The following HUWE1 variants were observed in gnomAD, a reference collection of about 807,000 sequenced individuals.
HUWE1 encodes the protein HECT, UBA and WWE domain containing E3 ubiquitin protein ligase 1.
Under a neutral mutation model 299.4 loss-of-function variants are expected in HUWE1, and 18 were observed. The observed-to-expected ratio is 0.06, with a 90% CI of 0.04 to 0.09. The LOEUF is 0.09. Among genes scored for constraint, HUWE1 ranks in the 10% least tolerant of loss-of-function variants. HUWE1 has a pLI of 1.00. For missense variants in HUWE1, 1,832 were observed against 3,462.3 expected, an observed-to-expected ratio of 0.53 and a Z score of 11.82; for synonymous variants, 1,317 against 1,286.1, an observed-to-expected ratio of 1.02 and a Z score of -0.51.
chrX:53,661,011 A>G (rs1194237857), intron 3 of HUWE1, among the ~76,000 whole-genome samples: 2 of 110,082 alleles, frequency 1.8e-5, no homozygotes, highest in African/African-American at 3.3e-5. Flanking sequence ...TACCAAGTCC[A>G]TGCTTTAATA....
In HUWE1 at chrX:53,645,483, C is replaced by CA; in HGVS notation, c.352-21dup. The CA allele has an allele frequency of 1.7e-6, 2 of 1,205,847 alleles. No individual in the cohort carries two copies. Among genetic ancestry groups the CA allele is most frequent in the Non-Finnish European group, 1.1e-6 (1 of 892,029 alleles). On this transcript the variant is annotated intron_variant, in intron 6 of 83. Transcript: ENST00000262854. ...CAAATGCTAAAGGGACAAAAAAGGG[C>CA]AAAGCTCAAGGTATCAGGCACAACT...
chrX:53,634,212 C>G (rs782556187), intron 8 of HUWE1, 24 bp downstream of exon 8: 1 of 1,143,454 alleles, frequency 8.7e-7, no homozygotes, highest in East Asian at 3.0e-5. Context: ...TCAAAAGACA[C>G]CCATATCCCA....
Position 53,614,593 on chromosome X carries a change from T to G in HUWE1, c.2202A>C (p.Glu734Asp). The change falls in exon 23 of 84, where the codon GAA becomes GAC. Residue 734 changes from glutamate (E) to aspartate (D), a missense_variant. Physicochemically the swap from Glu to Asp is conservative, Grantham distance 45 (BLOSUM62 2). Around this residue, in one of 15 missense-constraint regions of HUWE1, gnomAD observed 658 missense variants for 1,282.6 expected, o/e 0.51. Transcript: ENST00000262854. ...EASSEDEEEE[E>D]VQAMQSFNST... ...AATTAAAGCTCTGCATGGCCTGTACTTCCTCTTCCTCCTCATCCTCACTAG... is the reference window on the plus strand; with the variant it reads ...AATTAAAGCTCTGCATGGCCTGTACGTCCTCTTCCTCCTCATCCTCACTAG... 1 of 1,210,673 alleles carries G rather than the reference T, an allele frequency of 8.3e-7. No homozygotes were observed. Among genetic ancestry groups the G allele is most frequent in the South Asian group, 1.8e-5 (1 of 56,958 alleles).
At chrX:53,623,029 G>A (rs2066247643) in intron 19 of HUWE1, among the ~76,000 whole-genome samples, 1 of 111,720 alleles carries the variant, frequency 9.0e-6, no homozygotes, top group African/African-American at 3.3e-5. Flanking sequence ...GATGAATTAA[G>A]AAAACCATAG....
At chrX:53,587,725 T>C (rs781815048) in intron 37 of HUWE1, among the ~76,000 whole-genome samples, 9 of 111,770 alleles carry the variant, frequency 8.1e-5, no homozygotes, top group African/African-American at 2.9e-4. Flanking sequence ...TTGACTCTTA[T>C]ATTGGATTTA....
At chrX:53,605,006 C>T (rs2065075255) in intron 25 of HUWE1, among the ~76,000 whole-genome samples, 172 bp from the exon 26 acceptor site, 1 of 112,175 alleles carries the variant, frequency 8.9e-6, no homozygotes, top group Admixed American at 9.4e-5. Flanking sequence ...TCAGGTACAA[C>T]ATACCTTAAC....
At chrX:53,643,538 G>A (rs1003970137) in intron 7 of HUWE1, among the ~76,000 whole-genome samples, 21 of 111,235 alleles carry the variant, frequency 1.9e-4, no homozygotes, top group Non-Finnish European at 3.8e-4. Flanking sequence ...TTTTAGTAGA[G>A]ATGGGGTTTC....
intron 75 of HUWE1, 142 bp from the exon 76 acceptor site, chrX:53,539,222 T>C: frequency 1.5e-6 from 1 of 671,354 alleles, no homozygotes. Flanking sequence ...GGCTCACACC[T>C]ATGATCCCAG....
chrX:53,539,548 A>C, intron 75 of HUWE1, 109 bp downstream of exon 75: 2 of 736,296 alleles, frequency 2.7e-6, no homozygotes, highest in Non-Finnish European at 4.2e-6. Context: ...TTCTCATTAC[A>C]GAGACACTGA....
In HUWE1 at chrX:53,547,978, C is replaced by T. The variant is rs1556924649; in HGVS notation, c.10331G>A (p.Arg3444His). 14 of 1,211,027 alleles carry T rather than the reference C, an allele frequency of 1.2e-5. No homozygotes were observed. Among genetic ancestry groups the T allele is most frequent in the Non-Finnish European group, 1.5e-5 (13 of 895,113 alleles). ...LMNMLSHPVI[R>H]RSSLLTEKLL... ...TTTCTCAGTTAAGAGAGAGCTCCGG[C>T]GGATGACTGGGTGTGACAACATGTT... The change falls in exon 68 of 84, where the codon CGC becomes CAC. Residue 3444 changes from arginine to histidine, a missense_variant. Physicochemically the swap from Arg to His is conservative, Grantham distance 29 (BLOSUM62 0). Transcript: ENST00000262854.
At chrX:53,537,471 A>G in intron 78 of HUWE1, 85 bp downstream of exon 78, 6 of 1,035,615 alleles carry the variant, frequency 5.8e-6, no homozygotes, top group Non-Finnish European at 8.0e-6. Flanking sequence ...CACCTCCCTA[A>G]ATTTGAGGCT....
intron 3 of HUWE1, among the ~76,000 whole-genome samples, chrX:53,656,555 AAAAAAAG>A (rs782528575): frequency 0.35 from 33,187 of 94,768 alleles, 5,929 homozygotes; most frequent in Non-Finnish European, 0.49. Context: ...AAAAAAAAAA[AAAAAAAG>A]AAAAATCAAA....
At chrX:53,589,469 T>G (rs1281144249) in intron 36 of HUWE1, 78 bp downstream of exon 36, 2 of 989,655 alleles carry the variant, frequency 2.0e-6, no homozygotes, top group Non-Finnish European at 2.9e-6. Flanking sequence ...AATATGCTGA[T>G]TTTTCAGAAA....
intron 83 of HUWE1, 117 bp from the exon 84 acceptor site, chrX:53,533,528 G>T: frequency 1.8e-6 from 1 of 542,073 alleles, no homozygotes; most frequent in Non-Finnish European, 3.3e-6. Context: ...CCTGCTTCTT[G>T]ATGACTCCCA....
At chrX:53,624,817 TCTC>T (rs1399910390) in intron 18 of HUWE1, 142 bp from the exon 19 acceptor site, 26 of 497,353 alleles carry the variant, frequency 5.2e-5, no homozygotes, top group African/African-American at 5.0e-4. Context: ...CCCCCAGTTG[TCTC>T]CTCCTATTTT....
intron 17 of HUWE1, chrX:53,626,083 CA>C (rs1472623812): frequency 1.2e-5 from 4 of 344,764 alleles, no homozygotes; most frequent in Non-Finnish European, 2.2e-5. Context: ...AAAGGTACCA[CA>C]AAAAGAAAAA....
rs782515254 is a variant in HUWE1, at chrX:53,637,746, AT to A, written c.505-3449del. On this transcript the variant is annotated intron_variant, in intron 7 of 83. Transcript: ENST00000262854. ...GTAACATTATATGAAATATAAAGAA[AT>A]GTTTCTTGTGAAGAAATATTCATCA... Among the ~76,000 whole-genome samples the A allele has an allele frequency of 1.2e-4, 14 of 112,432 alleles. No homozygotes were observed. In the East Asian group the frequency reaches 3.6e-3, roughly 29 times the overall value.
At chrX:53,539,932 G>T in intron 74 of HUWE1, 120 bp from the exon 75 acceptor site, 1 of 647,722 alleles carries the variant, frequency 1.5e-6, no homozygotes, top group Non-Finnish European at 2.3e-6. Context: ...TGGCCACTGA[G>T]TGGTACTCAC....
At chrX:53,600,017 TA>T in intron 29 of HUWE1, 100 bp downstream of exon 29, 1 of 791,571 alleles carries the variant, frequency 1.3e-6, no homozygotes, top group Admixed American at 2.3e-5. Context: ...ACAGAAGTTT[TA>T]AACTTCCTTA....
Sources: allele counts gnomAD v4.1 joint callset (sites outside exome capture counted in the v4.1 genomes callset), GRCh38; gene constraint gnomAD v4.1.1; regional missense constraint gnomAD v4.1.1; transcripts MANE v1.5; gene names NCBI Gene and HGNC (gene_info 2026-07-23, HGNC 2026-07-21).